Variants in LARP4B observed in about 807,000 individuals in gnomAD.
LARP4B encodes the protein La ribonucleoprotein 4B.
A neutral mutation model predicts 89.8 loss-of-function variants in LARP4B; 12 were observed. That is an observed-to-expected ratio of 0.13 (90% CI 0.09 to 0.22). The LOEUF (loss-of-function observed/expected upper bound fraction) is 0.22. Among genes scored for constraint, LARP4B ranks in the 10% least tolerant of loss-of-function variants. The pLI is 1.00. For synonymous variants in LARP4B, 367 were observed against 363.3 expected (o/e 1.01, Z -0.12); for missense variants, 757 against 947.7 (o/e 0.80, Z 2.64).
At chr10:820,899 T>C (rs2131618705) in intron 13 of LARP4B, 54 bp from the exon 14 acceptor site, 2 of 1,519,926 alleles carry the variant, frequency 1.3e-6, no homozygotes, top group Non-Finnish European at 1.8e-6. Flanking sequence ...GGAGAATTTA[T>C]TATTGAGCAC....
At chr10:896,034 C>T (rs966245483) in intron 1 of LARP4B, among the ~76,000 whole-genome samples, 6 of 152,254 alleles carry the variant, frequency 3.9e-5, no homozygotes, top group South Asian at 2.1e-4. Context: ...CTGCTGCCCA[C>T]GCAGGAGAAG....
At chr10:845,539 C>T (rs1332350155) in intron 5 of LARP4B, among the ~76,000 whole-genome samples, 1 of 152,184 alleles carries the variant, frequency 6.6e-6, no homozygotes, top group Non-Finnish European at 1.5e-5. Context: ...TTCCAACTTC[C>T]AGAGTCGAAG....
At chr10:817,278 A>G (rs1249025287) in intron 15 of LARP4B, among the ~76,000 whole-genome samples, 4 of 152,122 alleles carry the variant, frequency 2.6e-5, no homozygotes, top group Non-Finnish European at 5.9e-5. Flanking sequence ...GGCAGCCCAG[A>G]CCTCACCAGA....
intron 13 of LARP4B, among the ~76,000 whole-genome samples, chr10:823,293 G>A (rs1832450094): frequency 6.6e-6 from 1 of 152,190 alleles, no homozygotes; most frequent in Non-Finnish European, 1.5e-5. Context: ...TCAGGTCTCA[G>A]GTGGGAGGAC....
intron 1 of LARP4B, chr10:903,441 A>C (rs1213423248): frequency 6.6e-6 from 1 of 152,242 alleles, no homozygotes; most frequent in Non-Finnish European, 1.5e-5. Flanking sequence ...GCACGGCTTT[A>C]ATTCCATTTT....
At chr10:924,600 G>T (rs138828406) in intron 1 of LARP4B, among the ~76,000 whole-genome samples, 1 of 152,166 alleles carries the variant, frequency 6.6e-6, no homozygotes, top group Non-Finnish European at 1.5e-5. Flanking sequence ...TCTTCCTTCA[G>T]CCTTGTTCAC....
At chr10:930,699 T>C (rs935372934) in intron 1 of LARP4B, among the ~76,000 whole-genome samples, 7 of 152,038 alleles carry the variant, frequency 4.6e-5, no homozygotes, top group African/African-American at 1.7e-4. Flanking sequence ...AATCTTCACA[T>C]CTGACTTTAT....
At chr10:860,371 T>C (rs1834537976) in intron 5 of LARP4B, among the ~76,000 whole-genome samples, 1 of 152,064 alleles carries the variant, frequency 6.6e-6, no homozygotes, top group East Asian at 1.9e-4. Context: ...CCACCACTGG[T>C]TGAGAATAGA....
intron 5 of LARP4B, among the ~76,000 whole-genome samples, chr10:862,256 TAAAAAAAAA>T (rs10661482): frequency 1.2e-5 from 1 of 84,396 alleles, no homozygotes; most frequent in Non-Finnish European, 2.1e-5. Context: ...CCACTGAAGT[TAAAAAAAAA>T]AAAAAAAAAA....
At chr10:832,086 C>T (rs1832935031) in intron 8 of LARP4B, among the ~76,000 whole-genome samples, 1 of 152,086 alleles carries the variant, frequency 6.6e-6, no homozygotes, top group Non-Finnish European at 1.5e-5. Context: ...CTCTTTCGCC[C>T]AGGCCAGAGT....
At chr10:956,162 C>T in the LARP4B span, among the ~76,000 whole-genome samples, 1 of 152,130 alleles carries the variant, frequency 6.6e-6, no homozygotes, top group Non-Finnish European at 1.5e-5. This position sits in a 1 kb window ranked among gnomAD's most constrained non-coding sequence, Gnocchi z 4.3. Flanking sequence ...CGAACCCTGA[C>T]AGATTCCATC....
chr10:924,979 T>G (rs562851666), intron 1 of LARP4B, among the ~76,000 whole-genome samples: 4 of 152,254 alleles, frequency 2.6e-5, no homozygotes, highest in Non-Finnish European at 5.9e-5. Flanking sequence ...GAGTTTACAT[T>G]CAAGTATGAG....
chr10:827,230 C>T (rs1223366062), intron 11 of LARP4B, among the ~76,000 whole-genome samples: 1 of 151,632 alleles, frequency 6.6e-6, no homozygotes, highest in Admixed American at 6.6e-5. Context: ...GAGCCAAGAT[C>T]CGGCCACTGC....
the LARP4B span, chr10:986,478 A>G: frequency 5.3e-5 from 8 of 152,218 alleles, no homozygotes; most frequent in African/African-American, 1.7e-4. Context: ...GGTGTAGAAT[A>G]CATACTTGCC....
At position 906,006 on chromosome 10, in the gene LARP4B, G is replaced by T. The variant is rs538323496; in HGVS notation, c.-39-20246C>A. Among the ~76,000 whole-genome samples, 3 of 152,278 alleles carry T rather than the reference G, an allele frequency of 2.0e-5. No homozygotes were observed. In the South Asian group the frequency reaches 6.2e-4, roughly 32 times the overall value. ...GCTCTCTTGCCCTGTGCAATCAAAA[G>T]AAATAGTAAATCAAATGGGCAATCA... On this transcript the variant is annotated intron_variant, in intron 1 of 17. Transcript: ENST00000316157.
At chr10:948,969 C>T in the LARP4B span, among the ~76,000 whole-genome samples, 1 of 152,240 alleles carries the variant, frequency 6.6e-6, no homozygotes. Context: ...AGCTGTGTAC[C>T]AGTTGTCATG....
Position 863,736 on chromosome 10 carries a change from T to C in LARP4B, c.430+7A>G, listed in dbSNP as rs753227808. ...CCTGGGAAAATGCACCCATAAGATA[T>C]GTTTACCTGTCTCGCTATTTTCAGG... On this transcript the variant is annotated splice_region_variant and intron_variant, in intron 5 of 17. Coordinates refer to ENST00000316157, the MANE Select transcript of LARP4B (RefSeq NM_015155.3). 10 of 1,595,462 alleles carry C rather than the reference T, an allele frequency of 6.3e-6. No individual in the cohort carries two copies. The highest frequency in any genetic ancestry group is 1.4e-5 in the African/African-American group (1 of 73,930).
At chr10:920,857 C>T (rs1412528209) in intron 1 of LARP4B, among the ~76,000 whole-genome samples, 2 of 152,194 alleles carry the variant, frequency 1.3e-5, no homozygotes, top group African/African-American at 2.4e-5. Context: ...AAAGAAAACA[C>T]TCCATGCAAC....
the LARP4B span, among the ~76,000 whole-genome samples, chr10:966,084 GT>G: frequency 3.3e-5 from 5 of 149,276 alleles, no homozygotes; most frequent in South Asian, 8.4e-4. Context: ...GTGTGTGTGT[GT>G]ATGAGATTTT....
Sources: allele counts gnomAD v4.1 joint callset (sites outside exome capture counted in the v4.1 genomes callset), GRCh38; gene constraint gnomAD v4.1.1; non-coding constraint Gnocchi (gnomAD v3.1); transcripts MANE v1.5; gene names NCBI Gene and HGNC (gene_info 2026-07-23, HGNC 2026-07-21).